TTC6: variants seen among roughly 807,000 people sequenced by gnomAD.
The protein encoded by TTC6 is tetratricopeptide repeat protein 6.
A neutral mutation model predicts 210.4 loss-of-function variants in TTC6; 172 were observed. The observed-to-expected ratio is 0.82, with a 90% CI of 0.72 to 0.93. The LOEUF (loss-of-function observed/expected upper bound fraction) is 0.93. TTC6 is among the 40% of genes least tolerant of loss of function. The pLI is 0.00. For missense variants in TTC6, 2,414 were observed against 2,318.1 expected, an observed-to-expected ratio of 1.04 and a Z score of -0.85; for synonymous variants, 804 against 819.6, an observed-to-expected ratio of 0.98 and a Z score of 0.32.
chr14:37,621,841 CTG>C (rs1323633214), upstream of TTC6, among the ~76,000 whole-genome samples: 1 of 151,884 alleles, frequency 6.6e-6, no homozygotes, highest in Non-Finnish European at 1.5e-5. Flanking sequence ...AAAAAAATGA[CTG>C]TTTTAGAGGT....
At chr14:37,834,747 A>T (rs959159371) in intron 29 of TTC6, among the ~76,000 whole-genome samples, 19 of 151,924 alleles carry the variant, frequency 1.3e-4, no homozygotes, top group African/African-American at 4.4e-4. Flanking sequence ...TTGCTTTTTC[A>T]TGTTTCTTGT....
At chr14:37,768,392 AGTATGGCCATTTTCACGAT>A (rs1179134195) in intron 14 of TTC6, among the ~76,000 whole-genome samples, 1 of 151,792 alleles carries the variant, frequency 6.6e-6, no homozygotes, top group Non-Finnish European at 1.5e-5. Flanking sequence ...TACCTTGGGA[AGTATGGCCATTTTCACGAT>A]ATTGATTCTT....
chr14:37,800,151 A>C (rs1239020866), intron 20 of TTC6, among the ~76,000 whole-genome samples: 1 of 152,134 alleles, frequency 6.6e-6, no homozygotes. Context: ...AGCTTCAATC[A>C]CCTCAAACAG....
At chr14:37,754,437 C>CTT (rs1225609590) in intron 14 of TTC6, among the ~76,000 whole-genome samples, 1 of 145,848 alleles carries the variant, frequency 6.9e-6, no homozygotes, top group African/African-American at 2.5e-5. Context: ...TTCTTTCTTT[C>CTT]TTTTTTTTTT....
intron 3 of TTC6, among the ~76,000 whole-genome samples, chr14:37,694,568 T>A (rs1490667169): frequency 2.0e-5 from 3 of 152,194 alleles, no homozygotes; most frequent in Non-Finnish European, 4.4e-5. Context: ...GCAATCCCGC[T>A]GCTGGGTACA....
At chr14:37,812,221 T>C in intron 24 of TTC6, 93 bp from the exon 27 acceptor site, 1 of 1,297,792 alleles carries the variant, frequency 7.7e-7, no homozygotes, top group South Asian at 1.5e-5. Flanking sequence ...GAACTAACCA[T>C]TGGGTCCTAG....
intron 29 of TTC6, chr14:37,828,044 C>T (rs2096176376): frequency 6.6e-6 from 1 of 152,072 alleles, no homozygotes; most frequent in African/African-American, 2.4e-5. Context: ...TTATCTAACT[C>T]ACCTTAATTT....
intron 25 of TTC6, 136 bp downstream of exon 27, chr14:37,812,569 T>C (rs2096132028): frequency 2.4e-6 from 2 of 841,538 alleles, no homozygotes; most frequent in East Asian, 5.5e-5. Flanking sequence ...ATTAAAATAC[T>C]TGAAATGACT....
intron 1 of TTC6, among the ~76,000 whole-genome samples, chr14:37,675,570 GT>G (rs1414964129): frequency 2.0e-5 from 3 of 151,866 alleles, no homozygotes; most frequent in Non-Finnish European, 2.9e-5. Context: ...CCTACCATCA[GT>G]TTTTTTGGGG....
intron 6 of TTC6, among the ~76,000 whole-genome samples, chr14:37,723,190 G>A (rs2095865207): frequency 6.6e-6 from 1 of 151,980 alleles, no homozygotes; most frequent in South Asian, 2.1e-4. Flanking sequence ...GGCAGTATTA[G>A]ATATTCTAGG....
chr14:37,695,460 T>C (rs2095812985), intron 3 of TTC6, among the ~76,000 whole-genome samples: 1 of 152,154 alleles, frequency 6.6e-6, no homozygotes. Context: ...GTTTGAATGA[T>C]TCTCCTGCCT....
intron 29 of TTC6, among the ~76,000 whole-genome samples, chr14:37,830,958 A>G (rs1267768784): frequency 1.3e-5 from 2 of 152,094 alleles, no homozygotes; most frequent in African/African-American, 4.8e-5. Flanking sequence ...TCGTCTAGCC[A>G]TTTTGAAATA....
chr14:37,682,855 T>G, exon 3 of TTC6: 2 of 1,535,658 alleles, frequency 1.3e-6, no homozygotes, highest in Admixed American at 2.0e-5. Flanking sequence ...AGCATAGTAT[T>G]TAAACCTCAG....
At chr14:37,781,455 C>T (rs529793354) in intron 14 of TTC6, among the ~76,000 whole-genome samples, 37 of 151,952 alleles carry the variant, frequency 2.4e-4, no homozygotes, top group Admixed American at 5.9e-4. Context: ...TATCCTTTGC[C>T]CATTTTTTGA....
Position 37,738,810 on chromosome 14 carries a change from A to G in TTC6, c.2018A>G (p.Lys673Arg), listed in dbSNP as rs964143046. 3.3e-6 allele frequency: 5 copies of G among 1,519,594 alleles called. No individual in the cohort carries two copies. In the African/African-American group the frequency reaches 5.5e-5, roughly 17 times the overall value. The allele number at this position is 1,519,594 out of a possible 1,614,324, so 94.1% of individuals were successfully genotyped here. A position where few individuals can be genotyped will look rare whatever the true frequency, so the allele number is the denominator to read the frequency against. ...TCTTCTGTAGACTTGAGGAAGGAGA[A>G]GATCATAGCTCCTTTGGAAATCAAG... The change falls in exon 10 of 31, where the codon AAG becomes AGG. Residue 673 changes from lysine (K) to arginine (R), a missense_variant. Physicochemically the swap from Lys to Arg is conservative, Grantham distance 26 (BLOSUM62 2). Transcript: ENST00000553443.
chr14:37,656,675 G>T (rs896517962), intron 1 of TTC6, among the ~76,000 whole-genome samples: 9 of 152,038 alleles, frequency 5.9e-5, no homozygotes, highest in African/African-American at 2.2e-4. Flanking sequence ...GGGGATTCCA[G>T]AGACTTTCAG....
intron 1 of TTC6, among the ~76,000 whole-genome samples, chr14:37,645,326 A>T (rs1020844845): frequency 6.6e-6 from 1 of 152,180 alleles, no homozygotes; most frequent in South Asian, 2.1e-4. Context: ...CCAACAACAC[A>T]CTTATTGGTC....
intron 14 of TTC6, among the ~76,000 whole-genome samples, chr14:37,764,297 A>G (rs1010450803): frequency 1.3e-5 from 2 of 152,158 alleles, no homozygotes; most frequent in African/African-American, 4.8e-5. Flanking sequence ...TAGTTAGTTT[A>G]TACTACTGTT....
At chr14:37,731,721 T>C (rs1385029486) in intron 7 of TTC6, among the ~76,000 whole-genome samples, 1 of 152,244 alleles carries the variant, frequency 6.6e-6, no homozygotes, top group Non-Finnish European at 1.5e-5. Flanking sequence ...TCTTTATTAT[T>C]AATGCATTGA....
Sources: allele counts gnomAD v4.1 joint callset (sites outside exome capture counted in the v4.1 genomes callset), GRCh38; gene constraint gnomAD v4.1.1; transcripts MANE v1.5; gene names NCBI Gene and HGNC (gene_info 2026-07-23, HGNC 2026-07-21).